The following PLEKHA4 variants were observed in gnomAD, a reference collection of about 807,000 sequenced individuals.
The protein encoded by PLEKHA4 is pleckstrin homology domain containing A4, also known as pleckstrin homology domain-containing family A member 4.
In PLEKHA4, 73 loss-of-function variants were observed where a neutral mutation model predicts 94.7. That is an observed-to-expected ratio of 0.77 (90% confidence interval 0.64 to 0.94). The LOEUF (loss-of-function observed/expected upper bound fraction) is 0.94. Ranked by LOEUF, PLEKHA4 falls within the 40% of genes least tolerant of loss-of-function variation. The pLI is 0.00. For missense variants in PLEKHA4, 1,049 were observed against 1,054.1 expected, an observed-to-expected ratio of 1.00 and a Z score of 0.07; for synonymous variants, 449 against 437.1, an observed-to-expected ratio of 1.03 and a Z score of -0.34.
intron 3 of PLEKHA4, among the ~76,000 whole-genome samples, chr19:48,862,571 C>T (rs2036684704): frequency 2.0e-5 from 3 of 149,362 alleles, no homozygotes; most frequent in South Asian, 2.1e-4. Flanking sequence ...TGCAGTGGCA[C>T]GATCTCAGCT....
chr19:48,839,821 G>A (rs547448351), intron 17 of PLEKHA4, among the ~76,000 whole-genome samples: 18 of 152,050 alleles, frequency 1.2e-4, no homozygotes, highest in South Asian at 4.2e-4. Flanking sequence ...CTAAGGGGCC[G>A]GGTCTGGTGG....
rs117764769 is a variant in PLEKHA4 at position 48,866,905 on chromosome 19, G to A, written c.84+632C>T. Among the ~76,000 whole-genome samples the A allele has an allele frequency of 8.1e-3, 1,236 of 152,220 alleles. 7 individuals carry two copies. Among genetic ancestry groups the A allele is most frequent in the Non-Finnish European group, 0.013 (908 of 68,006 alleles). ...AGCCTCAAATCCCTCCATCCTGCCC[G>A]GATGGAGCCTCATCTCCTGATGCCC... is the stretch of plus-strand genomic sequence containing the variant. On this transcript the variant is annotated intron_variant, in intron 2 of 19. Transcript: ENST00000263265.
At chr19:48,848,514 C>T (rs1364747786) in intron 13 of PLEKHA4, among the ~76,000 whole-genome samples, 1 of 134,816 alleles carries the variant, frequency 7.4e-6, no homozygotes, top group Admixed American at 7.5e-5. Flanking sequence ...GTCTTTTGGC[C>T]AGGCGTGGTG....
At position 48,837,339 on chromosome 19, in the gene PLEKHA4, C is replaced by T; in HGVS notation, c.2290G>A (p.Asp764Asn). Residue 764 changes from aspartate to asparagine, a missense_variant, in exon 20 of 20, where the codon GAC (aspartate) becomes AAC (asparagine). Physicochemically the swap from Asp to Asn is conservative, Grantham distance 23. Transcript: ENST00000263265. The surrounding 1 kb of genome is among the most constrained non-coding windows in gnomAD (Gnocchi z 4.3). ...AGIAPPVLPQ[D>N]EGAWPLRVTL... ...ACTCGCAGAGGCCATGCCCCCTCGT[C>T]TTGTGGCAGGACCGGAGGGGCGATC... is the stretch of plus-strand genomic sequence containing the variant. 1 of 1,613,914 alleles carries T rather than the reference C, an allele frequency of 6.2e-7. No homozygotes were observed. The highest frequency in any genetic ancestry group is 1.1e-5 in the South Asian group (1 of 91,090).
chr19:48,854,518 A>G (rs1257599021), intron 9 of PLEKHA4, among the ~76,000 whole-genome samples: 1 of 151,944 alleles, frequency 6.6e-6, no homozygotes, highest in Non-Finnish European at 1.5e-5. Flanking sequence ...ACAGGCGCAC[A>G]CATCATGCCC....
At position 48,846,789 on chromosome 19, in the gene PLEKHA4, A is replaced by T. The variant is rs1310521421; in HGVS notation, c.1566+1111T>A. On this transcript the variant is annotated intron_variant, in intron 14 of 19. Transcript: ENST00000263265. ...TCTCCAAAAAAACAAAAAAACTGTA[A>T]ACCAGGAGCCAGATGTCCTGGCTTC... 4.6e-5 allele frequency among the ~76,000 whole-genome samples: 7 copies of T among 152,194 alleles called. No homozygotes were observed. In the South Asian group the frequency reaches 1.5e-3, roughly 32 times the overall value.
At chr19:48,865,136 G>A (rs985879656) in intron 3 of PLEKHA4, among the ~76,000 whole-genome samples, 7 of 151,960 alleles carry the variant, frequency 4.6e-5, no homozygotes. Context: ...TTGAGGTCGG[G>A]AGTTTCAGAC....
rs201249552 is a variant in PLEKHA4 at position 48,845,431 on chromosome 19, C to T, written c.1682G>A (p.Arg561Lys). 7.4e-6 allele frequency: 12 copies of T among 1,613,940 alleles called. No homozygotes were observed. The highest frequency in any genetic ancestry group is 1.0e-5 in the Non-Finnish European group (12 of 1,180,002). ...ASPHLGLGSP[R>K]VSRASSPEGR... ...CTCAGGGCTGGAAGCCCGGGAGACC[C>T]TCGGAGACCCAAGACCTGGAAAGAC... Residue 561 changes from arginine to lysine, a missense_variant, in exon 16 of 20, where the codon AGG (arginine) becomes AAG (lysine). Physicochemically the swap from Arg to Lys is conservative, Grantham distance 26 (BLOSUM62 2). Transcript: ENST00000263265.
chr19:48,845,655 T>C (rs372118677), intron 14 of PLEKHA4, 39 bp from the exon 15 acceptor site: 41 of 1,364,382 alleles, frequency 3.0e-5, no homozygotes, highest in Non-Finnish European at 3.6e-5. Flanking sequence ...ATGATCATTA[T>C]AATAATTATT....
intron 13 of PLEKHA4, 139 bp from the exon 14 acceptor site, chr19:48,848,179 C>A (rs1318980970): frequency 8.7e-6 from 9 of 1,033,962 alleles, no homozygotes; most frequent in Admixed American, 2.4e-5. Flanking sequence ...ATGTGGTTAT[C>A]CAGTTGAATT....
chr19:48,862,143 C>G (rs1266032391), intron 3 of PLEKHA4, among the ~76,000 whole-genome samples: 1 of 151,420 alleles, frequency 6.6e-6, no homozygotes, highest in Admixed American at 6.6e-5. Context: ...AGAAGGAGAG[C>G]TGGAAGCCCT....
chr19:48,854,248 TCCAGGG>T lies in PLEKHA4; in HGVS notation c.1058_1063del (p.Pro353_Glu355delinsGln). 6.2e-7 allele frequency: 1 copy of T among 1,614,090 alleles called. No individual in the cohort carries two copies. Among genetic ancestry groups the T allele is most frequent in the Non-Finnish European group, 8.5e-7 (1 of 1,179,974 alleles). ...CTCCAAGCTTTGGTGGAAAGTTGACTCCAGGGGAGGACCCGGCTGAAGAGAAGGAAA... is the reference window on the plus strand; with the variant it reads ...CTCCAAGCTTTGGTGGAAAGTTGACTGAGGACCCGGCTGAAGAGAAGGAAA... On this transcript the variant is annotated inframe_deletion, in exon 10 of 20. Transcript: ENST00000263265.
chr19:48,845,512 C>G lies in PLEKHA4; in HGVS notation c.1666+5G>C, dbSNP rs764590410. 1 of 1,612,790 alleles carries G rather than the reference C, an allele frequency of 6.2e-7. No homozygotes were observed. The highest frequency in any genetic ancestry group is 8.5e-7 in the Non-Finnish European group (1 of 1,179,268). On this transcript the variant is annotated splice_donor_5th_base_variant and intron_variant, in intron 15 of 19. Transcript: ENST00000263265. ...CGTAAAGTCCCACCCAACCAGGATGCTCACCTAAGTGAGGGCTGGCGAGGT... is the reference window on the plus strand; with the variant it reads ...CGTAAAGTCCCACCCAACCAGGATGGTCACCTAAGTGAGGGCTGGCGAGGT...
chr19:48,840,854 T>G (rs1221440843), intron 17 of PLEKHA4, among the ~76,000 whole-genome samples: 2 of 152,134 alleles, frequency 1.3e-5, no homozygotes, highest in Non-Finnish European at 2.9e-5. Context: ...ACATTTTCTT[T>G]TTTGCTTTCT....
intron 5 of PLEKHA4, among the ~76,000 whole-genome samples, chr19:48,861,081 G>A (rs945771041): frequency 2.0e-5 from 3 of 152,096 alleles, no homozygotes; most frequent in Middle Eastern, 3.4e-3. Flanking sequence ...GGTGGCGTGC[G>A]CCTGTAATCC....
At position 48,847,951 on chromosome 19, in the gene PLEKHA4, C is replaced by G. The variant is rs766556048; in HGVS notation, c.1515G>C (p.Glu505Asp). Residue 505 changes from glutamate (E) to aspartate (D), a missense_variant, in exon 14 of 20, where the codon GAG becomes GAC. Glu to Asp is a conservative substitution (Grantham distance 45, BLOSUM62 2). Transcript: ENST00000263265. ...GGAGCACGGGAGATGGGGAGTCAGG[C>G]TCAGTGTGTGGGGGCGGTTTCTGGG... Reference protein sequence around the residue: ...GGPQKPPPHTEPDSPSPVLQG... With the variant: ...GGPQKPPPHTDPDSPSPVLQG... 1.2e-6 allele frequency: 2 copies of G among 1,610,110 alleles called. No homozygotes were observed. Among genetic ancestry groups the G allele is most frequent in the East Asian group, 4.5e-5 (2 of 44,784 alleles).
At chr19:48,840,318 G>A (rs1204566821) in intron 17 of PLEKHA4, among the ~76,000 whole-genome samples, 2 of 151,756 alleles carry the variant, frequency 1.3e-5, no homozygotes, top group African/African-American at 4.8e-5. Context: ...GGGAGGCTGA[G>A]GCATGAAAAT....
intron 9 of PLEKHA4, among the ~76,000 whole-genome samples, chr19:48,856,446 G>A (rs550192989): frequency 4.5e-5 from 6 of 132,274 alleles, no homozygotes; most frequent in Admixed American, 2.3e-4. Flanking sequence ...TGGGCCAGGC[G>A]CAGTGGCTTA....
intron 9 of PLEKHA4, among the ~76,000 whole-genome samples, chr19:48,856,554 C>T (rs1270366411): frequency 6.6e-6 from 1 of 151,902 alleles, no homozygotes; most frequent in African/African-American, 2.4e-5. Flanking sequence ...CCCGTCTCTA[C>T]TAAAAATACA....
Sources: gnomAD v4.1 joint callset for allele counts (sites outside exome capture counted in the v4.1 genomes callset) on GRCh38, gnomAD v4.1.1 for gene constraint, Gnocchi (gnomAD v3.1) non-coding constraint, MANE v1.5 for transcripts, NCBI Gene and HGNC (gene_info 2026-07-23, HGNC 2026-07-21) for gene names.